Variants in AP4S1 observed in about 807,000 individuals in gnomAD.
AP4S1 encodes adaptor related protein complex 4 subunit sigma 1.
AP4S1 carries 23 observed loss-of-function variants against 19.8 expected under a neutral mutation model. The ratio of observed to expected loss-of-function variants is 1.16; its 90% confidence interval spans 0.84 to 1.65. The LOEUF (loss-of-function observed/expected upper bound fraction) is 1.65. AP4S1 is among the 40% of genes most tolerant of loss of function. The pLI is 0.00. For synonymous variants in AP4S1, 46 were observed against 54.1 expected (o/e 0.85, Z 0.66); for missense variants, 166 against 172.8 (o/e 0.96, Z 0.22).
At chr14:31,026,228 A>C (rs1883916987) in intron 1 of AP4S1, 1 of 1,376,638 alleles carries the variant, frequency 7.3e-7, no homozygotes, top group Admixed American at 3.8e-5. Context: ...AGACGCCGAC[A>C]GCTGGGGGAA....
chr14:31,091,004 T>A (rs1888062917), intron 5 of AP4S1, among the ~76,000 whole-genome samples: 1 of 152,214 alleles, frequency 6.6e-6, no homozygotes, highest in Non-Finnish European at 1.5e-5. Context: ...GTTGGGAAAT[T>A]GACTTGCTGG....
intron 1 of AP4S1, among the ~76,000 whole-genome samples, chr14:31,049,294 GC>G (rs1885601519): frequency 6.7e-6 from 1 of 149,460 alleles, no homozygotes; most frequent in Admixed American, 6.7e-5. Context: ...GGTGCCTGTA[GC>G]CCCAGCTACT....
rs114079974 is a variant in AP4S1, at chr14:31,031,102, C to T, written c.-72+5315C>T. The stretch of plus-strand genomic sequence containing the variant: ...TGATGGTTTTATAAAGGGCTCTTCT[C>T]CCTTCAATTTCTCCTGTCTCTCCTG... On this transcript the variant is annotated intron_variant, in intron 1 of 5. Coordinates refer to ENST00000542754, the MANE Select transcript of AP4S1 (RefSeq NM_001128126.3). 7.6e-3 allele frequency among the ~76,000 whole-genome samples: 1,160 copies of T among 152,240 alleles called. 12 individuals are homozygous for T. Among genetic ancestry groups the T allele is most frequent in the African/African-American group, 0.027 (1,109 of 41,534 alleles).
At position 31,040,902 on chromosome 14, in the gene AP4S1, G is replaced by A. The variant is rs145009035; in HGVS notation, c.-72+15115G>A. Among the ~76,000 whole-genome samples the A allele has an allele frequency of 7.3e-4, 111 of 151,562 alleles. No individual in the cohort carries two copies. The East Asian group carries it at 0.015, about 21-fold the overall frequency. ...GATGTACATAACATGGTGAAACCCC[G>A]TCTCTACTAAAAATACAAAAAATTA... On this transcript the variant is annotated intron_variant, in intron 1 of 5. Coordinates refer to ENST00000542754, the MANE Select transcript of AP4S1 (RefSeq NM_001128126.3).
intron 5 of AP4S1, chr14:31,085,344 T>A (rs1170916566): frequency 3.0e-6 from 3 of 992,958 alleles, no homozygotes; most frequent in Non-Finnish European, 3.6e-6. Flanking sequence ...GTAGCTGGGA[T>A]GTCCCACCTA....
chr14:31,038,788 C>T lies in AP4S1; in HGVS notation c.-72+13001C>T, dbSNP rs138135691. Among the ~76,000 whole-genome samples, 17 of 152,254 alleles carry T rather than the reference C, an allele frequency of 1.1e-4. No homozygotes were observed. The East Asian group carries it at 3.1e-3, about 28-fold the overall frequency. On this transcript the variant is annotated intron_variant, in intron 1 of 5. Transcript: ENST00000542754. ...ATAGTTAAAGCATTCAAAACAATGC[C>T]TGGCACCTAATGAGCACTGTAAGCA...
At chr14:31,072,186 G>A (rs577743865) in intron 3 of AP4S1, among the ~76,000 whole-genome samples, 3 of 151,208 alleles carry the variant, frequency 2.0e-5, no homozygotes, top group Admixed American at 6.6e-5. Flanking sequence ...AGTGATCTAC[G>A]CATCTCAGCC....
chr14:31,029,781 T>C (rs771614956), intron 1 of AP4S1, among the ~76,000 whole-genome samples: 2 of 151,454 alleles, frequency 1.3e-5, no homozygotes, highest in Non-Finnish European at 2.9e-5. Flanking sequence ...TGCATCATTA[T>C]GCCACTGCAC....
chr14:31,039,612 G>T (rs1233348683), intron 1 of AP4S1, among the ~76,000 whole-genome samples: 6 of 142,534 alleles, frequency 4.2e-5, no homozygotes, highest in Non-Finnish European at 9.0e-5. Flanking sequence ...TCGCTCTGTC[G>T]CCCAGGCTGG....
At chr14:31,088,807 CAAAAAAAAAAAAA>C (rs1283476951) in intron 5 of AP4S1, among the ~76,000 whole-genome samples, 1 of 35,350 alleles carries the variant, frequency 2.8e-5, no homozygotes, top group Non-Finnish European at 6.0e-5. Context: ...GACTCCATCT[CAAAAAAAAAAAAA>C]AAAAAAAAAA....
chr14:31,068,228 T>C (rs1886830647), intron 2 of AP4S1, among the ~76,000 whole-genome samples: 1 of 152,230 alleles, frequency 6.6e-6, no homozygotes, highest in Non-Finnish European at 1.5e-5. Flanking sequence ...GGTCCTAAAC[T>C]TGCCAAATCT....
chr14:31,071,234 G>T (rs1420747662), intron 3 of AP4S1, among the ~76,000 whole-genome samples: 1 of 151,134 alleles, frequency 6.6e-6, no homozygotes, highest in African/African-American at 2.4e-5. Context: ...TTGATTTGTT[G>T]TTTTTTATCC....
chr14:31,073,373 C>A (rs1160037783), intron 4 of AP4S1, among the ~76,000 whole-genome samples: 1 of 133,268 alleles, frequency 7.5e-6, no homozygotes, highest in Non-Finnish European at 1.7e-5. Flanking sequence ...GCCTGTAGTC[C>A]CAGCTACTCC....
At chr14:31,077,286 A>G (rs1328000269) in intron 4 of AP4S1, among the ~76,000 whole-genome samples, 1 of 152,170 alleles carries the variant, frequency 6.6e-6, no homozygotes, top group African/African-American at 2.4e-5. Context: ...GCATTTAAAT[A>G]AAAACAAGGA....
intron 5 of AP4S1, among the ~76,000 whole-genome samples, chr14:31,092,691 A>G (rs1284020766): frequency 6.6e-6 from 1 of 152,144 alleles, no homozygotes; most frequent in Non-Finnish European, 1.5e-5. Context: ...ATCCCTACTT[A>G]TCCTGTTAGC....
intron 1 of AP4S1, among the ~76,000 whole-genome samples, chr14:31,037,560 AC>A (rs1325465292): frequency 6.6e-6 from 1 of 152,188 alleles, no homozygotes; most frequent in Admixed American, 6.5e-5. Context: ...GACATTTTTT[AC>A]TAGTCCAAAG....
chr14:31,026,107 TCCCCCCAGGTC>T, intron 1 of AP4S1: 1 of 1,510,830 alleles, frequency 6.6e-7, no homozygotes, highest in Non-Finnish European at 8.8e-7. Context: ...AGGCCCAGGT[TCCCCCCAGGTC>T]CCTGCTGCTG....
chr14:31,035,739 AT>A (rs759729839), intron 1 of AP4S1, among the ~76,000 whole-genome samples: 2 of 102,952 alleles, frequency 1.9e-5, no homozygotes, highest in Non-Finnish European at 2.1e-5. Flanking sequence ...TTATTTTTTT[AT>A]TTTTTTTGAG....
intron 1 of AP4S1, among the ~76,000 whole-genome samples, chr14:31,028,586 T>G (rs1381259520): frequency 7.8e-6 from 1 of 127,518 alleles, no homozygotes; most frequent in Non-Finnish European, 1.7e-5. Flanking sequence ...CTCAAAGACA[T>G]ACACACACAT....
Sources: gnomAD v4.1 joint callset for allele counts (sites outside exome capture counted in the v4.1 genomes callset) on GRCh38, gnomAD v4.1.1 for gene constraint, MANE v1.5 for transcripts, NCBI Gene and HGNC (gene_info 2026-07-23, HGNC 2026-07-21) for gene names.